IPO5: variants seen among roughly 807,000 people sequenced by gnomAD.
IPO5 encodes the protein importin 5, also known as importin-5.
IPO5 carries 18 observed loss-of-function variants against 143.3 expected under a neutral mutation model. The ratio of observed to expected loss-of-function variants is 0.13; its 90% confidence interval spans 0.09 to 0.19. The LOEUF (loss-of-function observed/expected upper bound fraction) is 0.19, where lower values mean the gene tolerates loss of function less well. Among genes scored for constraint, IPO5 ranks in the 10% least tolerant of loss-of-function variants. The pLI, the probability that IPO5 is intolerant of heterozygous loss-of-function variation, is 1.00. For missense variants in IPO5, 1,013 were observed against 1,336.9 expected, an observed-to-expected ratio of 0.76 and a Z score of 3.78; for synonymous variants, 477 against 465.7, an observed-to-expected ratio of 1.02 and a Z score of -0.31.
chr13:98,020,674 T>C (rs1396928849), intron 27 of IPO5, among the ~76,000 whole-genome samples: 2 of 152,240 alleles, frequency 1.3e-5, no homozygotes, highest in Middle Eastern at 3.2e-3. Context: ...TTCAGAGTTA[T>C]TTTAGAAGCT....
intron 2 of IPO5, among the ~76,000 whole-genome samples, chr13:97,966,611 G>A (rs936302689): frequency 6.6e-6 from 1 of 152,090 alleles, no homozygotes; most frequent in African/African-American, 2.4e-5. Flanking sequence ...CTTATAAAAT[G>A]ATTCATTACG....
At chr13:97,978,440 C>G (rs1033968563) in intron 4 of IPO5, among the ~76,000 whole-genome samples, 1 of 152,010 alleles carries the variant, frequency 6.6e-6, no homozygotes, top group East Asian at 1.9e-4. Flanking sequence ...TAGTACTATG[C>G]GCAGGAGTAC....
rs779184824 is a variant in IPO5 at position 97,982,495 on chromosome 13, C to A, written c.91-8C>A. 2 of 1,563,802 alleles carry A rather than the reference C, an allele frequency of 1.3e-6. No individual in the cohort carries two copies. Among genetic ancestry groups the A allele is most frequent in the South Asian group, 1.2e-5 (1 of 85,294 alleles). On this transcript the variant is annotated splice_region_variant and splice_polypyrimidine_tract_variant and intron_variant, in intron 4 of 28. Transcript: ENST00000651721. ...TTCTTTCCTAACCATTTTTTTTTTTCCATGCAGGAAACCTATGAGAATATC... is the reference window on the plus strand; with the variant it reads ...TTCTTTCCTAACCATTTTTTTTTTTACATGCAGGAAACCTATGAGAATATC...
chr13:97,975,185 T>C (rs1313555838), intron 3 of IPO5, among the ~76,000 whole-genome samples: 1 of 141,810 alleles, frequency 7.1e-6, no homozygotes, highest in African/African-American at 2.7e-5. Context: ...TGAATTGTTT[T>C]TGTAGCTGGG....
intron 4 of IPO5, chr13:97,982,180 A>T (rs553345728): frequency 1.6e-5 from 4 of 246,054 alleles, no homozygotes; most frequent in Non-Finnish European, 3.1e-5. Flanking sequence ...AGTTTGCAGC[A>T]CAATGGCTTA....
chr13:98,001,100 C>T (rs1449517849), intron 13 of IPO5, among the ~76,000 whole-genome samples: 4 of 152,102 alleles, frequency 2.6e-5, no homozygotes, highest in Admixed American at 2.0e-4. Context: ...TCTCAAACTC[C>T]TGGCCTCAAG....
chr13:97,987,993 C>A, intron 6 of IPO5: 1 of 308,036 alleles, frequency 3.2e-6, no homozygotes, highest in Non-Finnish European at 7.2e-6. Flanking sequence ...CTCAAAGCAT[C>A]ATCTTTAGGT....
intron 12 of IPO5, among the ~76,000 whole-genome samples, chr13:98,000,319 C>G (rs1888659887): frequency 6.6e-6 from 1 of 151,968 alleles, no homozygotes; most frequent in Admixed American, 6.6e-5. Flanking sequence ...TCAGGCATGA[C>G]TTTCTAAACT....
chr13:98,012,801 A>ATTTTTTTT (rs59658983), intron 21 of IPO5, among the ~76,000 whole-genome samples: 20 of 109,180 alleles, frequency 1.8e-4, no homozygotes, highest in African/African-American at 6.1e-4. Flanking sequence ...GCTAGATTTG[A>ATTTTTTTT]TTTTTTTTTT....
At chr13:97,994,835 A>C (rs1888109315) in intron 11 of IPO5, among the ~76,000 whole-genome samples, 1 of 152,142 alleles carries the variant, frequency 6.6e-6, no homozygotes, top group Non-Finnish European at 1.5e-5. Context: ...ATTGATCAAA[A>C]GTTCTTGGGG....
At chr13:97,965,778 T>G (rs2139521099) in intron 2 of IPO5, among the ~76,000 whole-genome samples, 1 of 152,002 alleles carries the variant, frequency 6.6e-6, no homozygotes, top group East Asian at 1.9e-4. Context: ...TGTGTGTGTG[T>G]GTGTGTGTGC....
intron 11 of IPO5, among the ~76,000 whole-genome samples, chr13:97,996,470 A>G (rs961365704): frequency 6.6e-5 from 10 of 152,210 alleles, no homozygotes; most frequent in African/African-American, 2.4e-4. Context: ...TTGTTAATAA[A>G]AGATGTGGAA....
chr13:98,021,800 A>G lies in IPO5; in HGVS notation c.3272A>G (p.Gln1091Arg). The change falls in exon 29 of 29, where the codon CAG (glutamine) becomes CGG (arginine). Residue 1091 changes from glutamine (Q) to arginine (R), a missense_variant. Around this residue, in one of 2 missense-constraint regions of IPO5, gnomAD observed 685 missense variants for 994.9 expected, o/e 0.69. Coordinates refer to ENST00000651721, the MANE Select transcript of IPO5 (RefSeq NM_002271.6). ...AGTCCTGAGCAGCAGGCCGCCATTC[A>G]GGAGCTCCTGAACTCTGCGTGAAGG... Reference protein sequence around the residue: ...QLSPEQQAAIQELLNSA With the variant: ...QLSPEQQAAIRELLNSA 6.2e-7 allele frequency: 1 copy of G among 1,606,046 alleles called. No individual in the cohort carries two copies. The highest frequency in any genetic ancestry group is 8.5e-7 in the Non-Finnish European group (1 of 1,173,814).
intron 2 of IPO5, among the ~76,000 whole-genome samples, chr13:97,958,093 T>C (rs931440824): frequency 3.9e-5 from 6 of 152,212 alleles, no homozygotes; most frequent in African/African-American, 1.4e-4. Context: ...ATTTGGACTA[T>C]ATATAAACTA....
chr13:97,983,869 C>G lies in IPO5; in HGVS notation c.171+1286C>G, dbSNP rs1484501825. 3.5e-5 allele frequency among the ~76,000 whole-genome samples: 5 copies of G among 141,744 alleles called. No homozygotes were observed. The East Asian group carries it at 8.2e-4, about 23-fold the overall frequency. 93.0% of individuals were successfully genotyped at this position (141,744 alleles called of 152,430 possible). A position where few individuals can be genotyped will look rare whatever the true frequency, so the allele number is the denominator to read the frequency against. ...TAAAAGTATCCCAATTTTTTTTTTT[C>G]TAGATGACAAGAGGTACTTCTTTGC... On this transcript the variant is annotated intron_variant, in intron 5 of 28. Transcript: ENST00000651721.
In IPO5 at chr13:98,010,026, A is replaced by C; in HGVS notation, c.1933+13A>C. 2 of 1,613,914 alleles carry C rather than the reference A, an allele frequency of 1.2e-6. No individual in the cohort carries two copies. The highest frequency in any genetic ancestry group is 1.7e-6 in the Non-Finnish European group (2 of 1,179,944). On this transcript the variant is annotated intron_variant, in intron 19 of 28. Coordinates refer to ENST00000651721, the MANE Select transcript of IPO5 (RefSeq NM_002271.6). Reference sequence around the variant, plus strand: ...GCCCTTTTAGATAGTAGGTGTCTTTAGAAGGAGCTATCGGTTATAATAGTT... The same window carrying C: ...GCCCTTTTAGATAGTAGGTGTCTTTCGAAGGAGCTATCGGTTATAATAGTT...
chr13:97,990,288 T>G, intron 8 of IPO5, 66 bp downstream of exon 8: 2 of 1,223,274 alleles, frequency 1.6e-6, no homozygotes, highest in Non-Finnish European at 2.4e-6. Flanking sequence ...GAAATTAGTA[T>G]ATTAGGAGGT....
chr13:97,982,327 C>T (rs929182207), intron 4 of IPO5, among the ~76,000 whole-genome samples, 176 bp from the exon 5 acceptor site: 2 of 152,208 alleles, frequency 1.3e-5, no homozygotes, highest in African/African-American at 4.8e-5. Context: ...ATAAGTAACC[C>T]TTTGGACATC....
chr13:97,975,560 C>G (rs1258371769), intron 3 of IPO5: 1 of 152,260 alleles, frequency 6.6e-6, no homozygotes, highest in Non-Finnish European at 1.5e-5. Flanking sequence ...GTACACTGCT[C>G]TCTGCCTTTG....
Sources: gnomAD v4.1 joint callset for allele counts (sites outside exome capture counted in the v4.1 genomes callset) on GRCh38, gnomAD v4.1.1 for gene constraint, gnomAD v4.1.1 regional missense constraint, MANE v1.5 for transcripts, NCBI Gene and HGNC (gene_info 2026-07-23, HGNC 2026-07-21) for gene names.